Variants in DPF1 observed in about 807,000 individuals in gnomAD.
DPF1 encodes the protein zinc finger protein neuro-d4.
Under a neutral mutation model 58.7 loss-of-function variants are expected in DPF1, and 14 were observed. That is an observed-to-expected ratio of 0.24 (90% CI 0.16 to 0.37). The LOEUF (loss-of-function observed/expected upper bound fraction) is 0.37. Among genes scored for constraint, DPF1 ranks in the 10% least tolerant of loss-of-function variants. The pLI is 1.00. For missense variants in DPF1, 345 were observed against 529.9 expected (o/e 0.65, Z 3.43); for synonymous variants, 216 against 216.0 (o/e 1.00, Z 0.00).
At chr19:38,212,474 GAGAA>G in intron 10 of DPF1, 113 bp from the exon 11 acceptor site, 1 of 577,700 alleles carries the variant, frequency 1.7e-6, no homozygotes, top group Non-Finnish European at 3.1e-6. Context: ...GAGGCCTTCC[GAGAA>G]AGGTTCTGAG....
rs1198260721 is a variant in DPF1 at position 38,222,654 on chromosome 19, C to A, written c.84G>T (p.Ala28=). The A allele has an allele frequency of 6.2e-7, 1 of 1,608,662 alleles. No individual in the cohort carries two copies. Among genetic ancestry groups the A allele is most frequent in the East Asian group, 2.2e-5 (1 of 44,628 alleles). The change falls in exon 2 of 12, where the codon GCG becomes GCT. Residue 28 remains alanine (A), a synonymous_variant. Transcript: ENST00000355526. This position sits in a 1 kb window ranked among gnomAD's most constrained non-coding sequence, Gnocchi z 4.9. The stretch of plus-strand genomic sequence containing the variant: ...GCAGGCTGCGCTCGGCGCACAGGCG[C>A]GCGTTGTAACTGCGGCAGTGCTCGA... ...EAIEHCRSYN[A]RLCAERSLRL... is the part of the protein sequence containing the mutation.
chr19:38,222,900 C>G lies in DPF1; in HGVS notation c.30-192G>C. 1 of 717,896 alleles carries G rather than the reference C, an allele frequency of 1.4e-6. No homozygotes were observed. Among genetic ancestry groups the G allele is most frequent in the Non-Finnish European group, 2.1e-6 (1 of 472,680 alleles). The allele number at this position is 717,896 out of a possible 1,614,324, so 44.5% of individuals were successfully genotyped here. ...GGGACAGGGCCCAGGGGCCCCCAAACTGGGACTCAAACAGGCCCCCAGCTC... is the reference window on the plus strand; with the variant it reads ...GGGACAGGGCCCAGGGGCCCCCAAAGTGGGACTCAAACAGGCCCCCAGCTC... On this transcript the variant is annotated intron_variant, in intron 1 of 11. Transcript: ENST00000355526. The surrounding 1 kb of genome is among the most constrained non-coding windows in gnomAD (Gnocchi z 4.9).
In DPF1 at chr19:38,222,829, C is replaced by T. The variant is rs1967606496; in HGVS notation, c.30-121G>A. ...GGGAGGGGTGGGCCGACCCCTCCAG[C>T]CTCACCTCTCCCCTCCTCCCACTCC... On this transcript the variant is annotated intron_variant, in intron 1 of 11. Transcript: ENST00000355526. This position sits in a 1 kb window ranked among gnomAD's most constrained non-coding sequence, Gnocchi z 4.9. The T allele has an allele frequency of 7.6e-7, 1 of 1,315,250 alleles. No individual in the cohort carries two copies. The highest frequency in any genetic ancestry group is 9.9e-7 in the Non-Finnish European group (1 of 1,006,778). 81.5% of individuals were successfully genotyped at this position (1,315,250 alleles called of 1,614,324 possible).
Position 38,212,041 on chromosome 19 carries a change from A to C in DPF1, c.*22T>G. ...GGCAGGTAGGCGAGCACCACCCCAG[A>C]GTCGCGGCGAGCCGAGCCGGCCTAG... On this transcript the variant is annotated 3_prime_UTR_variant, in exon 12 of 12. Coordinates refer to ENST00000355526, the MANE Select transcript of DPF1 (RefSeq NM_001135155.3). The C allele has an allele frequency of 6.2e-7, 1 of 1,601,258 alleles. No individual in the cohort carries two copies. Among genetic ancestry groups the C allele is most frequent in the Non-Finnish European group, 8.5e-7 (1 of 1,176,306 alleles).
chr19:38,226,502 C>CCACACACACACA (rs758283337), upstream of DPF1, among the ~76,000 whole-genome samples: 824 of 112,346 alleles, frequency 7.3e-3, 10 homozygotes, highest in East Asian at 0.032. Flanking sequence ...ACGGTCACTT[C>CCACACACACACA]TACACACACA....
At position 38,211,074 on chromosome 19, in the gene DPF1, AGAG is replaced by A. The variant is rs750850809; in HGVS notation, c.*986_*988del. The A allele has an allele frequency of 1.1e-3, 171 of 152,728 alleles. No individual in the cohort carries two copies. The highest frequency in any genetic ancestry group is 2.0e-3 in the Non-Finnish European group (137 of 68,328). 9.5% of individuals were successfully genotyped at this position (152,728 alleles called of 1,614,324 possible). ...TTAATTCACAGCAGAGGCAGGCAAT[AGAG>A]GAGACTCGGTGACAAGTGAGGGGGC... On this transcript the variant is annotated 3_prime_UTR_variant, in exon 12 of 12. Transcript: ENST00000355526. The surrounding 1 kb of genome is among the most constrained non-coding windows in gnomAD (Gnocchi z 4.0).
intron 3 of DPF1, among the ~76,000 whole-genome samples, chr19:38,220,716 T>C (rs1443040176): frequency 6.6e-6 from 1 of 151,954 alleles, no homozygotes; most frequent in Non-Finnish European, 1.5e-5. Context: ...CCAGATGAGA[T>C]GCTTGGACAC....
rs752151714 is a variant in DPF1, at chr19:38,224,185, G to T, written c.-43C>A. 5 of 1,418,196 alleles carry T rather than the reference G, an allele frequency of 3.5e-6. No individual in the cohort carries two copies. The highest frequency in any genetic ancestry group is 3.3e-5 in the South Asian group (2 of 61,156). The allele number at this position is 1,418,196 out of a possible 1,614,324, so 87.9% of individuals were successfully genotyped here. On this transcript the variant is annotated 5_prime_UTR_variant, in exon 1 of 12. Transcript: ENST00000355526. The surrounding 1 kb of genome is among the most constrained non-coding windows in gnomAD (Gnocchi z 4.5). ...GCCCCCAGCAGGTCCCCGCCGGGTC[G>T]GTCCTCCCAGCGGTCGGGCGGGCGC...
intron 1 of DPF1, 170 bp downstream of exon 1, chr19:38,223,944 A>T: frequency 1.1e-6 from 1 of 884,312 alleles, no homozygotes. Context: ...TGCATCCGAC[A>T]CCATTCTTGT....
Position 38,224,136 on chromosome 19 carries a change from T to C in DPF1, c.7A>G (p.Thr3Ala). The C allele has an allele frequency of 6.7e-7, 1 of 1,483,008 alleles. No individual in the cohort carries two copies. Among genetic ancestry groups the C allele is most frequent in the Non-Finnish European group, 8.9e-7 (1 of 1,126,592 alleles). 91.9% of individuals were successfully genotyped at this position (1,483,008 alleles called of 1,614,324 possible). A position where few individuals can be genotyped will look rare whatever the true frequency, so the allele number is the denominator to read the frequency against. Residue 3 changes from threonine to alanine, a missense_variant, in exon 1 of 12, where the codon ACT (threonine) becomes GCT (alanine). Physicochemically the swap from Thr to Ala is moderately conservative, Grantham distance 58. Coordinates refer to ENST00000355526, the MANE Select transcript of DPF1 (RefSeq NM_001135155.3). The surrounding 1 kb of genome is among the most constrained non-coding windows in gnomAD (Gnocchi z 4.5). Reference protein sequence around the residue: MATVIPGPLSLGE... With the variant: MAAVIPGPLSLGE... The stretch of plus-strand genomic sequence containing the variant: ...CACCTCAGGGGGCCAGGGATGACAG[T>C]GGCCATCTTGCTCCCCGGGTCCTGC...
upstream of DPF1, among the ~76,000 whole-genome samples, chr19:38,226,988 A>T (rs55906448): frequency 7.6e-6 from 1 of 130,996 alleles, no homozygotes. Flanking sequence ...TTCTTCTTTT[A>T]TTTCTCTTCC....
intron 3 of DPF1, among the ~76,000 whole-genome samples, chr19:38,221,726 G>C (rs1190375519): frequency 2.0e-5 from 3 of 152,046 alleles, no homozygotes; most frequent in Non-Finnish European, 4.4e-5. Context: ...GAGACAGGAG[G>C]ATCCCTTGAG....
intron 9 of DPF1, among the ~76,000 whole-genome samples, chr19:38,214,989 C>A (rs1035691053): frequency 6.7e-6 from 1 of 149,676 alleles, no homozygotes; most frequent in Non-Finnish European, 1.5e-5. Flanking sequence ...GCACGCACCA[C>A]CACACCCAGC....
Position 38,222,285 on chromosome 19 carries a change from A to T in DPF1, c.298+72T>A. ...GCAGACACTTGCTAGAAGGCGATAA[A>T]GGTGATGGACGAGTGCTAGGACACA... On this transcript the variant is annotated intron_variant, in intron 3 of 11. Transcript: ENST00000355526. This position sits in a 1 kb window ranked among gnomAD's most constrained non-coding sequence, Gnocchi z 4.9. 7.7e-7 allele frequency: 1 copy of T among 1,301,028 alleles called. No individual in the cohort carries two copies. The highest frequency in any genetic ancestry group is 1.1e-6 in the Non-Finnish European group (1 of 936,556). The allele number at this position is 1,301,028 out of a possible 1,614,324, so 80.6% of individuals were successfully genotyped here.
At chr19:38,215,159 G>A (rs905159805) in intron 9 of DPF1, among the ~76,000 whole-genome samples, 1 of 150,946 alleles carries the variant, frequency 6.6e-6, no homozygotes, top group African/African-American at 2.4e-5. Flanking sequence ...TAATAGATGG[G>A]CTCTCATTAT....
chr19:38,221,636 T>C (rs1967482108), intron 3 of DPF1, among the ~76,000 whole-genome samples: 2 of 151,688 alleles, frequency 1.3e-5, no homozygotes, highest in South Asian at 2.1e-4. Flanking sequence ...CTAACAGATA[T>C]CACTATGCCC....
chr19:38,223,375 C>G (rs1456747437), intron 1 of DPF1: 1 of 152,706 alleles, frequency 6.5e-6, no homozygotes, highest in Non-Finnish European at 1.5e-5. Context: ...ACAAACCACA[C>G]ACACAATATC....
chr19:38,219,331 A>C, intron 3 of DPF1: 1 of 474,274 alleles, frequency 2.1e-6, no homozygotes, highest in Non-Finnish European at 3.8e-6. Flanking sequence ...GCACACCCAG[A>C]CCTACTCAGG....
At chr19:38,212,237 T>TGGGGGGGGGC in intron 11 of DPF1, 43 bp downstream of exon 11, 5 of 1,256,796 alleles carry the variant, frequency 4.0e-6, no homozygotes, top group Non-Finnish European at 5.6e-6. Flanking sequence ...GGAGATGGCG[T>TGGGGGGGGGC]TCCCACCCAC....
Sources: allele counts gnomAD v4.1 joint callset (sites outside exome capture counted in the v4.1 genomes callset), GRCh38; gene constraint gnomAD v4.1.1; non-coding constraint Gnocchi (gnomAD v3.1); transcripts MANE v1.5; gene names NCBI Gene and HGNC (gene_info 2026-07-23, HGNC 2026-07-21).